Variants in FBXO25 observed in about 807,000 individuals in gnomAD.
FBXO25 encodes the protein F-box protein 25.
A neutral mutation model predicts 51.9 loss-of-function variants in FBXO25; 45 were observed. The ratio of observed to expected loss-of-function variants is 0.87; its 90% CI spans 0.68 to 1.11. The LOEUF (loss-of-function observed/expected upper bound fraction) is 1.11. Among genes scored for constraint, FBXO25 ranks in the 50% most tolerant of loss-of-function variants. The pLI, the probability that FBXO25 is intolerant of heterozygous loss-of-function variation, is 0.00. For missense variants in FBXO25, 507 were observed against 428.5 expected, an observed-to-expected ratio of 1.18 and a Z score of -1.62; for synonymous variants, 199 against 151.0, an observed-to-expected ratio of 1.32 and a Z score of -2.33.
At chr8:436,571 C>T (rs1798115070) in intron 5 of FBXO25, among the ~76,000 whole-genome samples, 1 of 152,162 alleles carries the variant, frequency 6.6e-6, no homozygotes, top group Non-Finnish European at 1.5e-5. Flanking sequence ...TTCACTGAAG[C>T]CCAGCCACCA....
rs1250136635 is a variant in FBXO25, at chr8:472,874, T to C, written c.*4070T>C. The C allele has an allele frequency of 6.6e-6, 1 of 152,246 alleles. No individual in the cohort carries two copies. The highest frequency in any genetic ancestry group is 1.5e-5 in the Non-Finnish European group (1 of 68,048). 9.4% of individuals were successfully genotyped at this position (152,246 alleles called of 1,614,324 possible). A position where few individuals can be genotyped will look rare whatever the true frequency, so the allele number is the denominator to read the frequency against. On this transcript the variant is annotated 3_prime_UTR_variant, in exon 10 of 10. Coordinates refer to ENST00000350302, the MANE Select transcript of FBXO25 (RefSeq NM_183420.2). ...GAGAAAAGTCAGAAGCAAGCCTGCC[T>C]TATGAAACTCGACTTTTTAATCTCC...
At chr8:426,337 C>G (rs1228671040) in intron 2 of FBXO25, among the ~76,000 whole-genome samples, 1 of 152,060 alleles carries the variant, frequency 6.6e-6, no homozygotes, top group Non-Finnish European at 1.5e-5. Flanking sequence ...TATTTTTTCC[C>G]TTGAATATCT....
chr8:471,894 C>CCAT lies in FBXO25; in HGVS notation c.*3092_*3094dup, dbSNP rs1388708900. The CCAT allele has an allele frequency of 8.5e-5, 13 of 152,202 alleles. No homozygotes were observed. The highest frequency in any genetic ancestry group is 2.9e-4 in the African/African-American group (12 of 41,444). The allele number at this position is 152,202 out of a possible 1,614,324, so 9.4% of individuals were successfully genotyped here. A position where few individuals can be genotyped will look rare whatever the true frequency, so the allele number is the denominator to read the frequency against. On this transcript the variant is annotated 3_prime_UTR_variant, in exon 10 of 10. Transcript: ENST00000350302. Reference sequence around the variant, plus strand: ...TGTCTACTTTATGGAAAAAATTTAACCATCTGTGAACAGTTTTTTGCCTTA... The same window carrying CCAT: ...TGTCTACTTTATGGAAAAAATTTAACCATCATCTGTGAACAGTTTTTTGCCTTA...
chr8:442,749 C>T (rs1051900805), intron 5 of FBXO25, among the ~76,000 whole-genome samples: 30 of 152,220 alleles, frequency 2.0e-4, no homozygotes, highest in Admixed American at 1.3e-3. Context: ...GGATTTCAGG[C>T]GTTAGCCACC....
intron 5 of FBXO25, among the ~76,000 whole-genome samples, chr8:439,165 G>T (rs59983968): frequency 0.094 from 14,268 of 152,208 alleles, 797 homozygotes; most frequent in East Asian, 0.24. Context: ...TAATGTGACT[G>T]TGGTTTTTAC....
chr8:445,435 G>T (rs1450263873), intron 5 of FBXO25, among the ~76,000 whole-genome samples: 1 of 152,114 alleles, frequency 6.6e-6, no homozygotes, highest in Admixed American at 6.5e-5. Flanking sequence ...TGTCTCAGGG[G>T]TCCTTTTCAC....
At chr8:447,112 G>A (rs577830837) in intron 5 of FBXO25, among the ~76,000 whole-genome samples, 181 of 152,298 alleles carry the variant, frequency 1.2e-3, no homozygotes, top group African/African-American at 4.2e-3. Flanking sequence ...CACATACCCT[G>A]TGCACTGAGA....
At chr8:458,128 G>C (rs1799573566) in intron 7 of FBXO25, among the ~76,000 whole-genome samples, 2 of 152,226 alleles carry the variant, frequency 1.3e-5, no homozygotes. Context: ...AGGTGCAGCA[G>C]TAGGGCCTCA....
intron 2 of FBXO25, among the ~76,000 whole-genome samples, chr8:423,858 G>C (rs1226584422): frequency 6.6e-6 from 1 of 152,184 alleles, no homozygotes; most frequent in Non-Finnish European, 1.5e-5. Context: ...AGTTCTTTGA[G>C]AAATCTCTAG....
At chr8:409,119 G>C (rs142461813) in intron 1 of FBXO25, among the ~76,000 whole-genome samples, 3,455 of 152,276 alleles carry the variant, frequency 0.023, 73 homozygotes, top group East Asian at 0.11. Context: ...CAGTTTGGGA[G>C]TATTTTTGAA....
In FBXO25 at chr8:413,181, A is replaced by G. The variant is rs377460563; in HGVS notation, c.102A>G (p.Arg34=). The change falls in exon 2 of 10, where the codon AGA becomes AGG. Residue 34 remains arginine (R), a synonymous_variant. Coordinates refer to ENST00000350302, the MANE Select transcript of FBXO25 (RefSeq NM_183420.2). ...AATCTTGTAGTCAGAAACTTGAAAG[A>G]GAGAATAACCGTTGTAACATCAGTC... The part of the protein sequence containing the change: ...RCESCSQKLE[R]ENNRCNISHS... The G allele has an allele frequency of 2.5e-6, 4 of 1,609,234 alleles. No homozygotes were observed. In the African/African-American group the frequency reaches 5.4e-5, roughly 22 times the overall value.
chr8:450,126 G>T (rs1798988750), intron 6 of FBXO25, 43 bp downstream of exon 6: 1 of 1,430,672 alleles, frequency 7.0e-7, no homozygotes, highest in Non-Finnish European at 9.7e-7. Flanking sequence ...ATCTTAATTA[G>T]AAATTTGGTG....
chr8:432,388 A>C (rs771844546), intron 3 of FBXO25, among the ~76,000 whole-genome samples: 1 of 152,246 alleles, frequency 6.6e-6, no homozygotes, highest in African/African-American at 2.4e-5. Flanking sequence ...TTTTCAAACC[A>C]AACCTGACTG....
rs1798053760 is a variant in FBXO25 at position 435,559 on chromosome 8, A to T, written c.289-56A>T. The T allele has an allele frequency of 2.5e-6, 4 of 1,577,130 alleles. No homozygotes were observed. In the South Asian group the frequency reaches 4.8e-5, roughly 19 times the overall value. On this transcript the variant is annotated intron_variant, in intron 4 of 9. Transcript: ENST00000350302. ...TTAATCGCACAATTAATTGACATTA[A>T]CTGCCAATTCTTTTTGGCTAATTGA... is the stretch of plus-strand genomic sequence containing the variant.
chr8:469,203 A>G lies in FBXO25; in HGVS notation c.*399A>G, dbSNP rs546278439. 4 of 166,580 alleles carry G rather than the reference A, an allele frequency of 2.4e-5. No individual in the cohort carries two copies. The South Asian group carries it at 7.4e-4, about 31-fold the overall frequency. 10.3% of individuals were successfully genotyped at this position (166,580 alleles called of 1,614,324 possible). ...GGAAACTAATTGGGGGTGGGTTACA[A>G]AACATTTGATCCTTGTAAATACATT... On this transcript the variant is annotated 3_prime_UTR_variant, in exon 10 of 10. Transcript: ENST00000350302.
At chr8:446,406 G>T (rs1798741838) in intron 5 of FBXO25, among the ~76,000 whole-genome samples, 1 of 152,180 alleles carries the variant, frequency 6.6e-6, no homozygotes, top group Admixed American at 6.5e-5. Context: ...GCCTATCTGG[G>T]GAGGCTTTGG....
At position 476,117 on chromosome 8, in the gene FBXO25, T is replaced by A. The variant is rs1374737553; in HGVS notation, c.*7313T>A. 6.6e-6 allele frequency: 1 copy of A among 152,114 alleles called. No individual in the cohort carries two copies. Among genetic ancestry groups the A allele is most frequent in the Non-Finnish European group, 1.5e-5 (1 of 68,008 alleles). The allele number at this position is 152,114 out of a possible 1,614,324, so 9.4% of individuals were successfully genotyped here. On this transcript the variant is annotated 3_prime_UTR_variant, in exon 10 of 10. Transcript: ENST00000350302. ...GTCTCAAATGCTTTTTCTCCATCAA[T>A]GGAGATCACATTTTTTTCCTTCATT...
At chr8:420,045 C>T (rs1308067244) in intron 2 of FBXO25, among the ~76,000 whole-genome samples, 2 of 152,086 alleles carry the variant, frequency 1.3e-5, no homozygotes, top group African/African-American at 4.8e-5. Flanking sequence ...TGATGCCCAA[C>T]TTAATTTATT....
intron 4 of FBXO25, among the ~76,000 whole-genome samples, chr8:434,835 C>G (rs1798007800): frequency 6.6e-6 from 1 of 152,190 alleles, no homozygotes. Context: ...AGAAAAACAT[C>G]TAAGAGAATA....
Sources: allele counts gnomAD v4.1 joint callset (sites outside exome capture counted in the v4.1 genomes callset), GRCh38; gene constraint gnomAD v4.1.1; transcripts MANE v1.5; gene names NCBI Gene and HGNC (gene_info 2026-07-23, HGNC 2026-07-21).